Variants in RIMS2 observed in about 807,000 individuals in gnomAD.
The protein encoded by RIMS2 is regulating synaptic membrane exocytosis 2, also known as regulating synaptic membrane exocytosis protein 2.
Under a neutral mutation model 174.4 loss-of-function variants are expected in RIMS2, and 59 were observed. The observed-to-expected ratio is 0.34, with a 90% CI of 0.27 to 0.42. The LOEUF (loss-of-function observed/expected upper bound fraction) is 0.42. RIMS2 is among the 10% of genes least tolerant of loss of function. The probability of loss-of-function intolerance (pLI) is 1.00; values close to 1 mark genes in which losing one functional copy is unlikely to be tolerated. For synonymous variants in RIMS2, 606 were observed against 572.5 expected (o/e 1.06, Z -0.84); for missense variants, 1,620 against 1,666.3 (o/e 0.97, Z 0.48).
chr8:103,840,006 G>C (rs2098930189), intron 3 of RIMS2, among the ~76,000 whole-genome samples: 2 of 152,200 alleles, frequency 1.3e-5, no homozygotes, highest in Non-Finnish European at 2.9e-5. Context: ...ACAGTTGGAA[G>C]ATTGTTTCCA....
chr8:104,088,436 C>T (rs34057677), intron 19 of RIMS2, among the ~76,000 whole-genome samples: 35,672 of 151,802 alleles, frequency 0.23, 4,482 homozygotes, highest in African/African-American at 0.33. Context: ...ATTATGTTTG[C>T]CTTAGTTTTC....
chr8:104,115,385 T>A (rs2098263331), intron 19 of RIMS2, among the ~76,000 whole-genome samples: 1 of 151,816 alleles, frequency 6.6e-6, no homozygotes, highest in Non-Finnish European at 1.5e-5. Context: ...AATGGTTCAG[T>A]GAGGAGGGAA....
At chr8:103,706,960 G>T (rs1364485760) in intron 2 of RIMS2, among the ~76,000 whole-genome samples, 1 of 152,054 alleles carries the variant, frequency 6.6e-6, no homozygotes, top group Non-Finnish European at 1.5e-5. Flanking sequence ...GATCATGTAA[G>T]TGTACTTCAT....
intron 2 of RIMS2, among the ~76,000 whole-genome samples, chr8:103,712,445 A>G (rs1209927611): frequency 6.6e-6 from 1 of 152,148 alleles, no homozygotes; most frequent in African/African-American, 2.4e-5. Flanking sequence ...TGGTACATCT[A>G]CATATGAAAG....
At chr8:104,195,573 G>A (rs1318411753) in intron 19 of RIMS2, among the ~76,000 whole-genome samples, 1 of 149,702 alleles carries the variant, frequency 6.7e-6, no homozygotes, top group Non-Finnish European at 1.5e-5. Context: ...GGAATGCAAT[G>A]GCACGATCTC....
chr8:104,144,010 A>C, intron 19 of RIMS2, among the ~76,000 whole-genome samples: 1 of 152,172 alleles, frequency 6.6e-6, no homozygotes, highest in Middle Eastern at 3.2e-3. Flanking sequence ...TTGGCCCTAT[A>C]GCATATAAAC....
At chr8:103,552,468 A>C (rs1404432718) in intron 1 of RIMS2, among the ~76,000 whole-genome samples, 1 of 152,232 alleles carries the variant, frequency 6.6e-6, no homozygotes, top group Non-Finnish European at 1.5e-5. Flanking sequence ...TTAAAGACTT[A>C]AATGTTAGAC....
At chr8:103,922,754 G>A (rs1379508811) in intron 10 of RIMS2, 6 of 278,694 alleles carry the variant, frequency 2.2e-5, no homozygotes, top group East Asian at 1.1e-4. Flanking sequence ...GGGTGGGTGG[G>A]GAGGAAAGGG....
intron 1 of RIMS2, among the ~76,000 whole-genome samples, chr8:103,545,339 AC>A (rs1170030948): frequency 1.3e-5 from 2 of 152,188 alleles, no homozygotes; most frequent in African/African-American, 2.4e-5. Context: ...AAAAAACAAA[AC>A]AGAGTGAACA....
At chr8:103,655,475 T>C (rs1052988826) in intron 1 of RIMS2, among the ~76,000 whole-genome samples, 12 of 152,074 alleles carry the variant, frequency 7.9e-5, no homozygotes, top group Non-Finnish European at 1.3e-4. Context: ...TTAAAAAAAG[T>C]TTCCAATGCA....
At chr8:103,685,173 G>T (rs1393233529) in intron 1 of RIMS2, among the ~76,000 whole-genome samples, 1 of 150,240 alleles carries the variant, frequency 6.7e-6, no homozygotes, top group Non-Finnish European at 1.5e-5. Flanking sequence ...AGAAATACCT[G>T]CGTAATTTTT....
At chr8:103,863,018 A>C (rs2099066506) in intron 3 of RIMS2, among the ~76,000 whole-genome samples, 1 of 152,018 alleles carries the variant, frequency 6.6e-6, no homozygotes, top group South Asian at 2.1e-4. Flanking sequence ...ATAAATGGTG[A>C]TAGTGGACAT....
intron 3 of RIMS2, among the ~76,000 whole-genome samples, chr8:103,863,246 T>C (rs1484488178): frequency 6.6e-6 from 1 of 152,234 alleles, no homozygotes; most frequent in Non-Finnish European, 1.5e-5. Context: ...TTTTTAATTC[T>C]CTTTACATGG....
intron 4 of RIMS2, among the ~76,000 whole-genome samples, chr8:103,897,244 C>T (rs960995321): frequency 3.3e-5 from 5 of 151,646 alleles, no homozygotes; most frequent in African/African-American, 1.2e-4. Flanking sequence ...AGTGGATGGC[C>T]ATCTGAAGCC....
chr8:103,929,739 C>G (rs2079529105), intron 11 of RIMS2, among the ~76,000 whole-genome samples: 1 of 151,830 alleles, frequency 6.6e-6, no homozygotes, highest in African/African-American at 2.4e-5. Context: ...TTGTTTTTCA[C>G]TTATGTCTTT....
chr8:104,164,967 A>G lies in RIMS2; in HGVS notation c.3335-79949A>G, dbSNP rs186060549. Among the ~76,000 whole-genome samples, 4 of 152,338 alleles carry G rather than the reference A, an allele frequency of 2.6e-5. No homozygotes were observed. The East Asian group carries it at 7.7e-4, about 29-fold the overall frequency. Reference sequence around the variant, plus strand: ...TATGTACCCCTGAACTTAAAATACAAGTTAAAAAAAAGAGATGGCATTTCA... The same window carrying G: ...TATGTACCCCTGAACTTAAAATACAGGTTAAAAAAAAGAGATGGCATTTCA... On this transcript the variant is annotated intron_variant, in intron 19 of 23. Transcript: ENST00000504942.
intron 2 of RIMS2, among the ~76,000 whole-genome samples, chr8:103,712,254 C>G (rs563467950): frequency 1.3e-5 from 2 of 151,630 alleles, no homozygotes; most frequent in Non-Finnish European, 2.9e-5. Flanking sequence ...TCGAACAGTC[C>G]TCTTGCCTTG....
At chr8:103,527,035 G>T (rs1294374158) in intron 1 of RIMS2, among the ~76,000 whole-genome samples, 3 of 152,156 alleles carry the variant, frequency 2.0e-5, no homozygotes, top group Admixed American at 6.5e-5. Flanking sequence ...CATTTTCAAA[G>T]TATCTCCAAT....
chr8:103,988,690 C>T (rs1321167145), intron 16 of RIMS2, among the ~76,000 whole-genome samples: 2 of 152,078 alleles, frequency 1.3e-5, no homozygotes, highest in Non-Finnish European at 2.9e-5. Flanking sequence ...GAACTCCCGA[C>T]CTCACGTGAT....
Sources: gnomAD v4.1 joint callset for allele counts (sites outside exome capture counted in the v4.1 genomes callset) on GRCh38, gnomAD v4.1.1 for gene constraint, MANE v1.5 for transcripts, NCBI Gene and HGNC (gene_info 2026-07-23, HGNC 2026-07-21) for gene names.